The following PTPRN2 variants were observed in gnomAD, a reference collection of about 807,000 sequenced individuals.
PTPRN2 encodes the protein receptor-type tyrosine-protein phosphatase N2.
In PTPRN2, 74 loss-of-function variants were observed where a neutral mutation model predicts 118.8. The ratio of observed to expected loss-of-function variants is 0.62; its 90% CI spans 0.52 to 0.76. The LOEUF is 0.76. PTPRN2 is among the 30% of genes least tolerant of loss of function. The pLI, the probability that PTPRN2 is intolerant of heterozygous loss-of-function variation, is 0.00. For synonymous variants in PTPRN2, 641 were observed against 608.0 expected, an observed-to-expected ratio of 1.05 and a Z score of -0.80; for missense variants, 1,481 against 1,394.4, an observed-to-expected ratio of 1.06 and a Z score of -0.99.
At chr7:158,471,724 A>C (rs1466515232) in intron 2 of PTPRN2, among the ~76,000 whole-genome samples, 1 of 139,746 alleles carries the variant, frequency 7.2e-6, no homozygotes, top group Admixed American at 7.6e-5. Context: ...AAAAAACCTT[A>C]CTAACAAAAT....
intron 6 of PTPRN2, among the ~76,000 whole-genome samples, chr7:158,153,392 G>C (rs867877183): frequency 6.6e-6 from 1 of 152,126 alleles, no homozygotes; most frequent in Non-Finnish European, 1.5e-5. Flanking sequence ...ACCTATAGAC[G>C]GCAAAATTAA....
intron 6 of PTPRN2, among the ~76,000 whole-genome samples, chr7:158,161,371 G>A (rs1822343605): frequency 6.6e-6 from 1 of 152,178 alleles, no homozygotes; most frequent in Non-Finnish European, 1.5e-5. Context: ...CAGGCAGGGT[G>A]GGGTTGATGA....
intron 12 of PTPRN2, among the ~76,000 whole-genome samples, chr7:157,840,476 G>A (rs1013679618): frequency 1.3e-5 from 2 of 151,344 alleles, no homozygotes; most frequent in African/African-American, 2.4e-5. Flanking sequence ...GTGTGGCCAC[G>A]TGTGACTGTG....
intron 12 of PTPRN2, among the ~76,000 whole-genome samples, chr7:157,809,452 G>A (rs1377068106): frequency 1.3e-5 from 2 of 152,234 alleles, no homozygotes; most frequent in Non-Finnish European, 2.9e-5. Context: ...AGGGTTGGAT[G>A]AGATGACACC....
At chr7:158,040,559 G>A (rs1183452805) in intron 11 of PTPRN2, among the ~76,000 whole-genome samples, 2 of 152,162 alleles carry the variant, frequency 1.3e-5, no homozygotes, top group Non-Finnish European at 2.9e-5. Context: ...TTCTTTTTAG[G>A]AAGAAGCGAG....
chr7:158,451,091 A>G (rs987376077), intron 2 of PTPRN2, among the ~76,000 whole-genome samples: 1 of 152,154 alleles, frequency 6.6e-6, no homozygotes, highest in African/African-American at 2.4e-5. Context: ...CATCACTCCA[A>G]TTTAATAATT....
intron 2 of PTPRN2, among the ~76,000 whole-genome samples, chr7:158,424,897 G>T (rs1815578883): frequency 6.6e-6 from 1 of 151,436 alleles, no homozygotes; most frequent in African/African-American, 2.4e-5. Context: ...CCCTCAAGAA[G>T]GTCCGGGGAT....
At chr7:157,834,123 C>G (rs58342831) in intron 12 of PTPRN2, among the ~76,000 whole-genome samples, 1 of 145,606 alleles carries the variant, frequency 6.9e-6, no homozygotes, top group African/African-American at 2.6e-5. Flanking sequence ...GAGCCAGCAG[C>G]ACTCCCTGTG....
chr7:157,975,341 G>C (rs1802660988), intron 11 of PTPRN2, among the ~76,000 whole-genome samples: 1 of 152,172 alleles, frequency 6.6e-6, no homozygotes, highest in Non-Finnish European at 1.5e-5. Context: ...AGGACTGGAT[G>C]CCAGCCCCTG....
intron 12 of PTPRN2, among the ~76,000 whole-genome samples, chr7:157,712,951 G>A (rs1798722458): frequency 6.6e-6 from 1 of 152,102 alleles, no homozygotes; most frequent in South Asian, 2.1e-4. Context: ...CCAGCACTGT[G>A]GGAGAATAAA....
chr7:158,192,193 T>G, intron 5 of PTPRN2, 134 bp downstream of exon 5: 1 of 1,080,126 alleles, frequency 9.3e-7, no homozygotes, highest in Non-Finnish European at 1.2e-6. Context: ...ACCGAAGCCC[T>G]GTTCACAGGA....
chr7:158,162,165 G>A (rs1207133399), intron 6 of PTPRN2, among the ~76,000 whole-genome samples: 1 of 152,180 alleles, frequency 6.6e-6, no homozygotes, highest in Non-Finnish European at 1.5e-5. Flanking sequence ...ACAGCCACTG[G>A]GGAAGACAGT....
chr7:158,352,525 G>A (rs138721251), intron 2 of PTPRN2, among the ~76,000 whole-genome samples: 107 of 152,284 alleles, frequency 7.0e-4, no homozygotes, highest in African/African-American at 2.5e-3. Flanking sequence ...GGCCCCTCCC[G>A]TGCTGCAGCC....
chr7:158,257,749 C>T (rs914739882), intron 3 of PTPRN2, among the ~76,000 whole-genome samples: 5 of 152,256 alleles, frequency 3.3e-5, no homozygotes, highest in South Asian at 2.1e-4. Flanking sequence ...CCCAGCCCCA[C>T]GGCGCTGACC....
intron 3 of PTPRN2, among the ~76,000 whole-genome samples, chr7:158,227,487 G>T (rs1282574565): frequency 2.6e-5 from 4 of 152,202 alleles, no homozygotes; most frequent in Non-Finnish European, 4.4e-5. Flanking sequence ...TGGGGCTGAG[G>T]AGGAGCCCCT....
chr7:157,993,772 T>G (rs78722352), intron 11 of PTPRN2, among the ~76,000 whole-genome samples: 2,531 of 152,208 alleles, frequency 0.017, 39 homozygotes, highest in Non-Finnish European at 0.025. Flanking sequence ...TGATTTGAGA[T>G]GAGTGTTGAC....
chr7:158,089,760 C>A lies in PTPRN2; in HGVS notation c.1644-8383G>T, dbSNP rs563164732. Among the ~76,000 whole-genome samples, 28 of 137,800 alleles carry A rather than the reference C, an allele frequency of 2.0e-4. 1 individual carries two copies. The highest frequency in any genetic ancestry group is 7.3e-4 in the African/African-American group (27 of 37,134). 90.4% of individuals were successfully genotyped at this position (137,800 alleles called of 152,430 possible). A position where few individuals can be genotyped will look rare whatever the true frequency, so the allele number is the denominator to read the frequency against. ...GGGGTCTTCACACAAACCTTCTTCC[C>A]CTGATGAAAAGGGGAATGTTCACAC... On this transcript the variant is annotated intron_variant, in intron 10 of 22. Transcript: ENST00000389418.
chr7:158,566,905 G>A (rs538571497), intron 1 of PTPRN2, among the ~76,000 whole-genome samples: 1 of 152,134 alleles, frequency 6.6e-6, no homozygotes, highest in African/African-American at 2.4e-5. Flanking sequence ...TAGTAGAGAT[G>A]GTTTCACCAT....
intron 11 of PTPRN2, among the ~76,000 whole-genome samples, chr7:158,073,289 A>T (rs1245439708): frequency 6.6e-6 from 1 of 152,234 alleles, no homozygotes; most frequent in Non-Finnish European, 1.5e-5. Flanking sequence ...CTCAGCTCAG[A>T]GACAGCCTGT....
Sources: allele counts gnomAD v4.1 joint callset (sites outside exome capture counted in the v4.1 genomes callset), GRCh38; gene constraint gnomAD v4.1.1; transcripts MANE v1.5; gene names NCBI Gene and HGNC (gene_info 2026-07-23, HGNC 2026-07-21).